Variants in MTERF4 observed in about 807,000 individuals in gnomAD.
MTERF4 encodes the protein mitochondrial transcription termination factor 4.
Under a neutral mutation model 22.5 loss-of-function variants are expected in MTERF4, and 17 were observed. That is an observed-to-expected ratio of 0.75 (90% CI 0.52 to 1.13). The LOEUF (loss-of-function observed/expected upper bound fraction) is 1.13, where lower values mean the gene tolerates loss of function less well. MTERF4 is among the 50% of genes most tolerant of loss of function. The probability of loss-of-function intolerance (pLI) is 0.00; values close to 1 mark genes in which losing one functional copy is unlikely to be tolerated. For missense variants in MTERF4, 420 were observed against 466.8 expected (o/e 0.90, Z 0.92); for synonymous variants, 165 against 175.3 (o/e 0.94, Z 0.47).
In MTERF4 at chr2:241,075,813, G is replaced by A. The variant is rs953006722; in HGVS notation, n.480-131C>T. ...TCATGTATATTTTTTTCACAAAGAT[G>A]TAAAGTTTTGCTTTTGACCTGTAGG... On this transcript the variant is annotated intron_variant and non_coding_transcript_variant, in intron 4 of 4. Transcript: ENST00000464344. The surrounding 1 kb of genome is among the most constrained non-coding windows in gnomAD (Gnocchi z 4.8). The A allele has an allele frequency of 6.6e-5, 10 of 152,100 alleles. No homozygotes were observed. The highest frequency in any genetic ancestry group is 2.4e-4 in the African/African-American group (10 of 41,410). 9.4% of individuals were successfully genotyped at this position (152,100 alleles called of 1,614,324 possible). A position where few individuals can be genotyped will look rare whatever the true frequency, so the allele number is the denominator to read the frequency against.
downstream of MTERF4, chr2:241,092,115 C>CT (rs1276784877): frequency 6.6e-6 from 1 of 152,304 alleles, no homozygotes; most frequent in African/African-American, 2.4e-5. This position sits in a 1 kb window ranked among gnomAD's most constrained non-coding sequence, Gnocchi z 4.6. Context: ...GGGGCAGGGG[C>CT]TGAAGGGCAG....
downstream of MTERF4, chr2:241,088,333 T>C: frequency 6.4e-7 from 1 of 1,552,894 alleles, no homozygotes; most frequent in African/African-American, 1.4e-5. Flanking sequence ...CAGTCTCTTT[T>C]TCATTAAACG....
At position 241,096,221 on chromosome 2, in the gene MTERF4, G is replaced by A; in HGVS notation, c.923C>T (p.Thr308Ile). The change falls in exon 4 of 4, where the codon ACT becomes ATT. Residue 308 changes from threonine (T) to isoleucine (I), a missense_variant. Coordinates refer to ENST00000391980, the MANE Select transcript of MTERF4 (RefSeq NM_182501.4). The surrounding 1 kb of genome is among the most constrained non-coding windows in gnomAD (Gnocchi z 5.1). ...AAAAACTTGAAACTCCTCAACAGAA[G>A]TACAGGCTGTCCTGGCCAAAAACTC... is the stretch of plus-strand genomic sequence containing the variant. Reference protein sequence around the residue: ...EAEFLARTACTSVEEFQVFKK... With the variant: ...EAEFLARTACISVEEFQVFKK... 3 of 1,614,166 alleles carry A rather than the reference G, an allele frequency of 1.9e-6. No homozygotes were observed. The highest frequency in any genetic ancestry group is 2.5e-6 in the Non-Finnish European group (3 of 1,180,040).
At chr2:241,058,672 C>T in the MTERF4 span, among the ~76,000 whole-genome samples, 4 of 152,206 alleles carry the variant, frequency 2.6e-5, no homozygotes, top group Non-Finnish European at 2.9e-5. Flanking sequence ...AAAATTGGGC[C>T]GGGCGCGGTG....
downstream of MTERF4, among the ~76,000 whole-genome samples, chr2:241,091,134 T>C (rs2063947871): frequency 6.9e-6 from 1 of 144,704 alleles, no homozygotes; most frequent in South Asian, 2.1e-4. The surrounding 1 kb of genome is among the most constrained non-coding windows in gnomAD (Gnocchi z 4.1). Context: ...AATTATCAAA[T>C]ACTGACTTAT....
chr2:241,065,683 G>A, the MTERF4 span: 1 of 1,146,634 alleles, frequency 8.7e-7, no homozygotes, highest in African/African-American at 1.5e-5. Flanking sequence ...CGGCTGTCAT[G>A]CCGTCCACCC....
the MTERF4 span, chr2:241,065,267 C>T: frequency 3.1e-6 from 5 of 1,609,620 alleles, no homozygotes; most frequent in African/African-American, 5.3e-5. Flanking sequence ...GCTGACCAGT[C>T]CCCTCCCCTT....
downstream of MTERF4, chr2:241,070,183 C>G (rs756753352): frequency 3.1e-6 from 5 of 1,605,980 alleles, no homozygotes; most frequent in Non-Finnish European, 4.2e-6. Context: ...CGAGCCCGCC[C>G]ACCTCTACAT....
downstream of MTERF4, chr2:241,087,572 C>CT: frequency 6.8e-7 from 1 of 1,470,818 alleles, no homozygotes; most frequent in Non-Finnish European, 9.0e-7. Flanking sequence ...GGCCTGTGGG[C>CT]TGAGCCAGGC....
chr2:241,048,602 A>G, the MTERF4 span: 5 of 1,523,922 alleles, frequency 3.3e-6, no homozygotes, highest in Non-Finnish European at 4.5e-6. Flanking sequence ...CAGGGTCTGG[A>G]GCGAGGGTGC....
intron 4 of MTERF4, among the ~76,000 whole-genome samples, chr2:241,076,716 G>A (rs1392394931): frequency 6.6e-6 from 1 of 152,030 alleles, no homozygotes; most frequent in Non-Finnish European, 1.5e-5. Context: ...ATGGGTTAAG[G>A]ATAGGCATTT....
downstream of MTERF4, chr2:241,092,439 G>A (rs1401921287): frequency 2.6e-5 from 4 of 152,168 alleles, no homozygotes; most frequent in African/African-American, 7.2e-5. The surrounding 1 kb of genome is among the most constrained non-coding windows in gnomAD (Gnocchi z 4.6). Flanking sequence ...AACAGGTGGT[G>A]GCCAAATTGG....
chr2:241,048,483 G>A, the MTERF4 span: 2 of 1,557,310 alleles, frequency 1.3e-6, no homozygotes, highest in Middle Eastern at 2.0e-4. Flanking sequence ...GGCTGGGGCA[G>A]GAGACCCAGG....
exon 5 of MTERF4, chr2:241,072,753 G>T: frequency 5.2e-6 from 1 of 190,810 alleles, no homozygotes; most frequent in Non-Finnish European, 1.1e-5. Flanking sequence ...TACAGAGGGG[G>T]GCCCGTTGTA....
chr2:241,090,384 C>T (rs531361650), downstream of MTERF4: 3 of 1,550,190 alleles, frequency 1.9e-6, no homozygotes, highest in Admixed American at 2.0e-5. Flanking sequence ...TTCTGGAAAC[C>T]TCCTGAAGGA....
chr2:241,053,183 A>G, the MTERF4 span: 9 of 1,611,084 alleles, frequency 5.6e-6, no homozygotes, highest in Non-Finnish European at 6.8e-6. Context: ...GAGGAGGTGA[A>G]GCACGCCACA....
downstream of MTERF4, chr2:241,069,867 C>G (rs2062626468): frequency 6.3e-7 from 1 of 1,577,862 alleles, no homozygotes; most frequent in South Asian, 1.2e-5. This position sits in a 1 kb window ranked among gnomAD's most constrained non-coding sequence, Gnocchi z 4.9. Context: ...CGTGTTCTTG[C>G]CAGAAGACCC....
chr2:241,088,184 C>T (rs2063681819), downstream of MTERF4: 8 of 592,492 alleles, frequency 1.4e-5, no homozygotes, highest in Admixed American at 1.8e-4. Flanking sequence ...TCAAGCCAGG[C>T]GGGCGCACAC....
chr2:241,065,409 G>A, the MTERF4 span: 28 of 1,613,138 alleles, frequency 1.7e-5, no homozygotes, highest in East Asian at 2.2e-5. Context: ...TGATGGCTAC[G>A]CGGTCACCTA....
Sources: gnomAD v4.1 joint callset for allele counts (sites outside exome capture counted in the v4.1 genomes callset) on GRCh38, gnomAD v4.1.1 for gene constraint, Gnocchi (gnomAD v3.1) non-coding constraint, MANE v1.5 for transcripts, NCBI Gene and HGNC (gene_info 2026-07-23, HGNC 2026-07-21) for gene names.